Variants in OR6N1 observed in about 807,000 individuals in gnomAD.
OR6N1 encodes the protein olfactory receptor 6N1.
For missense variants in OR6N1, 394 were observed against 371.7 expected, an observed-to-expected ratio of 1.06 and a Z score of -0.49; for synonymous variants, 170 against 150.7, an observed-to-expected ratio of 1.13 and a Z score of -0.94.
chr1:158,783,931 C>A, the OR6N1 span, among the ~76,000 whole-genome samples: 1 of 152,066 alleles, frequency 6.6e-6, no homozygotes, highest in Admixed American at 6.6e-5. Flanking sequence ...AAGGTGAAAA[C>A]CGGTCTCTAC....
chr1:158,782,377 C>T, the OR6N1 span, among the ~76,000 whole-genome samples: 5 of 152,098 alleles, frequency 3.3e-5, no homozygotes, highest in Non-Finnish European at 7.4e-5. Context: ...TTTTCTTTAC[C>T]TTTAAACTGA....
the OR6N1 span, among the ~76,000 whole-genome samples, chr1:158,827,793 A>G: frequency 6.6e-6 from 1 of 152,202 alleles, no homozygotes; most frequent in African/African-American, 2.4e-5. Context: ...GTTAGTTTCT[A>G]AAAAAGGGCA....
chr1:158,826,449 ATTTAG>A, the OR6N1 span, among the ~76,000 whole-genome samples: 6 of 152,192 alleles, frequency 3.9e-5, no homozygotes. Flanking sequence ...GCTCGATTGT[ATTTAG>A]TTTAGTTCAA....
At chr1:158,820,255 C>T in the OR6N1 span, among the ~76,000 whole-genome samples, 39 of 152,292 alleles carry the variant, frequency 2.6e-4, no homozygotes, top group South Asian at 1.2e-3. Context: ...CCAGCGTGGG[C>T]GTCAAGGCCA....
Position 158,764,510 on chromosome 1 carries a change from G to A in OR6N1, c.*1234C>T, listed in dbSNP as rs528776997. On this transcript the variant is annotated 3_prime_UTR_variant, in exon 2 of 2. Transcript: ENST00000641846. Reference sequence around the variant, plus strand: ...GATATATAGTAAGAGCTAAATAAACGTGTTAATTTGAATGCATGGATGGAT... The same window carrying A: ...GATATATAGTAAGAGCTAAATAAACATGTTAATTTGAATGCATGGATGGAT... 2.6e-5 allele frequency: 4 copies of A among 152,096 alleles called. No individual in the cohort carries two copies. The highest frequency in any genetic ancestry group is 4.1e-4 in the South Asian group (2 of 4,822). The allele number at this position is 152,096 out of a possible 1,614,324, so 9.4% of individuals were successfully genotyped here.
At chr1:158,825,962 T>C in the OR6N1 span, among the ~76,000 whole-genome samples, 1 of 152,160 alleles carries the variant, frequency 6.6e-6, no homozygotes, top group South Asian at 2.1e-4. Flanking sequence ...GAATAATATG[T>C]GTTGTGCAGC....
intron 1 of OR6N1, among the ~76,000 whole-genome samples, chr1:158,768,968 C>A (rs1382312059): frequency 2.0e-5 from 3 of 151,910 alleles, no homozygotes; most frequent in South Asian, 2.1e-4. Context: ...AGATTTTTTT[C>A]TTTTCTATTT....
chr1:158,768,200 C>T (rs1454621715), intron 1 of OR6N1, among the ~76,000 whole-genome samples: 2 of 152,010 alleles, frequency 1.3e-5, no homozygotes, highest in East Asian at 3.8e-4. Flanking sequence ...TCTATACCAT[C>T]CAATACCAGA....
At chr1:158,790,502 T>A in the OR6N1 span, among the ~76,000 whole-genome samples, 1 of 151,522 alleles carries the variant, frequency 6.6e-6, no homozygotes, top group Admixed American at 6.6e-5. Context: ...CCTCCCGGGT[T>A]CATGCCATTC....
At chr1:158,780,956 G>T in the OR6N1 span, among the ~76,000 whole-genome samples, 3 of 152,184 alleles carry the variant, frequency 2.0e-5, no homozygotes, top group African/African-American at 7.2e-5. Context: ...CAAATGGAGG[G>T]AATGGTGGAC....
At chr1:158,772,622 A>G (rs185199585), upstream of OR6N1, among the ~76,000 whole-genome samples, 34 of 152,304 alleles carry the variant, frequency 2.2e-4, no homozygotes, top group Non-Finnish European at 4.3e-4. Flanking sequence ...AAATATCATC[A>G]AGACCGACTC....
chr1:158,814,939 T>G, the OR6N1 span, among the ~76,000 whole-genome samples: 1,085 of 152,260 alleles, frequency 7.1e-3, 8 homozygotes, highest in African/African-American at 0.025. Context: ...GGCTATAATT[T>G]TCTCAGGATC....
chr1:158,769,101 AG>A (rs796112361), intron 1 of OR6N1, among the ~76,000 whole-genome samples: 73 of 152,296 alleles, frequency 4.8e-4, no homozygotes, highest in African/African-American at 1.7e-3. Context: ...ATGCAGTAGG[AG>A]TTACAAGCCA....
the OR6N1 span, among the ~76,000 whole-genome samples, chr1:158,817,693 AG>A: frequency 6.6e-6 from 1 of 152,210 alleles, no homozygotes; most frequent in Admixed American, 6.5e-5. Context: ...TACCTGTGGA[AG>A]GCATAGGCAT....
chr1:158,794,931 A>G, the OR6N1 span, among the ~76,000 whole-genome samples: 1 of 152,182 alleles, frequency 6.6e-6, no homozygotes, highest in Non-Finnish European at 1.5e-5. Context: ...TGGCATCTCA[A>G]GCAATTGGTG....
At chr1:158,822,051 C>T in the OR6N1 span, among the ~76,000 whole-genome samples, 1 of 152,136 alleles carries the variant, frequency 6.6e-6, no homozygotes, top group Non-Finnish European at 1.5e-5. Flanking sequence ...TTTTCATATG[C>T]TTATTTGTCA....
At chr1:158,809,005 C>T in the OR6N1 span, 1 of 152,920 alleles carries the variant, frequency 6.5e-6, no homozygotes, top group East Asian at 1.9e-4. Flanking sequence ...GCAGGTAGCA[C>T]TCAGTCATCC....
chr1:158,835,713 G>T, the OR6N1 span, among the ~76,000 whole-genome samples: 4 of 151,928 alleles, frequency 2.6e-5, no homozygotes, highest in East Asian at 3.9e-4. Context: ...AGGAGCAAGA[G>T]AAATGTTTTC....
chr1:158,805,250 G>C, the OR6N1 span, among the ~76,000 whole-genome samples: 1 of 152,202 alleles, frequency 6.6e-6, no homozygotes. Context: ...TGAATGGTCT[G>C]ATTATGCTGC....
Sources: gnomAD v4.1 joint callset for allele counts (sites outside exome capture counted in the v4.1 genomes callset) on GRCh38, gnomAD v4.1.1 for gene constraint, MANE v1.5 for transcripts, NCBI Gene and HGNC (gene_info 2026-07-23, HGNC 2026-07-21) for gene names.